Variants in COA1 observed in about 807,000 individuals in gnomAD.
The protein encoded by COA1 is cytochrome c oxidase assembly factor 1.
A neutral mutation model predicts 16.0 loss-of-function variants in COA1; 13 were observed. The ratio of observed to expected loss-of-function variants is 0.81; its 90% CI spans 0.53 to 1.29. The LOEUF (loss-of-function observed/expected upper bound fraction) is 1.29, where lower values mean the gene tolerates loss of function less well. COA1 is among the 50% of genes most tolerant of loss of function. The pLI, the probability that COA1 is intolerant of heterozygous loss-of-function variation, is 0.00. For synonymous variants in COA1, 65 were observed against 65.7 expected (o/e 0.99, Z 0.05); for missense variants, 179 against 177.0 (o/e 1.01, Z -0.06).
At chr7:43,672,400 CAG>C (rs1399084952) in intron 1 of COA1, among the ~76,000 whole-genome samples, 9 of 152,280 alleles carry the variant, frequency 5.9e-5, no homozygotes, top group African/African-American at 2.2e-4. Flanking sequence ...ATCACATAAA[CAG>C]AAATAAAAAC....
intron 1 of COA1, among the ~76,000 whole-genome samples, chr7:43,705,239 G>T (rs993225240): frequency 1.3e-5 from 2 of 152,234 alleles, no homozygotes; most frequent in Non-Finnish European, 2.9e-5. Context: ...GCCAGCAAAA[G>T]AACTCTGGTG....
At chr7:43,709,220 G>C (rs2095119753) in intron 1 of COA1, among the ~76,000 whole-genome samples, 1 of 151,848 alleles carries the variant, frequency 6.6e-6, no homozygotes, top group African/African-American at 2.4e-5. Flanking sequence ...TAGAGACGGG[G>C]TTTCACCATG....
At chr7:43,611,374 T>C (rs2082861797) in intron 6 of COA1, among the ~76,000 whole-genome samples, 1 of 152,206 alleles carries the variant, frequency 6.6e-6, no homozygotes, top group Non-Finnish European at 1.5e-5. Context: ...ATTAATTTTT[T>C]AATACCATGG....
chr7:43,625,023 G>C (rs1448688692), intron 6 of COA1: 2 of 533,106 alleles, frequency 3.8e-6, no homozygotes, highest in South Asian at 3.1e-5. Context: ...TTGCCAACCA[G>C]GAGATTTAAC....
At position 43,627,229 on chromosome 7, in the gene COA1, TTTG is replaced by T. The variant is rs141793546; in HGVS notation, c.*133+12217_*133+12219del. 4.6e-3 allele frequency among the ~76,000 whole-genome samples: 698 copies of T among 152,340 alleles called. 6 individuals are homozygous for T. The highest frequency in any genetic ancestry group is 0.015 in the African/African-American group (643 of 41,576). ...AAATGATATTTGATTGATCTTGTGT[TTTG>T]TTGTTTTCAAATGAAAACTAGGAGG... is the stretch of plus-strand genomic sequence containing the variant. On this transcript the variant is annotated intron_variant and NMD_transcript_variant, in intron 6 of 6. Coordinates refer to the COA1 transcript ENST00000415076.
chr7:43,657,128 G>A (rs1393144446), intron 1 of COA1: 1 of 152,210 alleles, frequency 6.6e-6, no homozygotes, highest in Non-Finnish European at 1.5e-5. Flanking sequence ...TACAACATGT[G>A]TGTATGTGTT....
At chr7:43,685,478 G>A (rs1356255249) in intron 1 of COA1, among the ~76,000 whole-genome samples, 1 of 152,222 alleles carries the variant, frequency 6.6e-6, no homozygotes, top group African/African-American at 2.4e-5. Context: ...CTAGGAGCAA[G>A]TTTCCAGAAT....
At chr7:43,706,019 C>G (rs1447700171) in intron 1 of COA1, among the ~76,000 whole-genome samples, 3 of 152,144 alleles carry the variant, frequency 2.0e-5, no homozygotes, top group African/African-American at 7.2e-5. Context: ...AGTGTGCTGG[C>G]CTACTTGATG....
chr7:43,727,036 T>C (rs2095631046), intron 1 of COA1, among the ~76,000 whole-genome samples: 1 of 152,212 alleles, frequency 6.6e-6, no homozygotes, highest in African/African-American at 2.4e-5. Flanking sequence ...GATGAACGTT[T>C]CAGGTGGTGG....
intron 1 of COA1, among the ~76,000 whole-genome samples, chr7:43,687,182 T>C (rs1321173164): frequency 6.6e-6 from 1 of 152,226 alleles, no homozygotes; most frequent in Admixed American, 6.5e-5. Context: ...GCCCTGAAGT[T>C]TCCTATTCCC....
intron 1 of COA1, among the ~76,000 whole-genome samples, chr7:43,702,293 G>A (rs2094777114): frequency 6.6e-6 from 1 of 152,132 alleles, no homozygotes; most frequent in Non-Finnish European, 1.5e-5. Context: ...CAGGGGTCCA[G>A]TTTCATTGCT....
chr7:43,611,004 C>G (rs2082824813), intron 6 of COA1, among the ~76,000 whole-genome samples: 1 of 152,120 alleles, frequency 6.6e-6, no homozygotes, highest in African/African-American at 2.4e-5. Flanking sequence ...GTAATCCCAG[C>G]TACTTGGGAG....
chr7:43,676,507 C>T (rs371230311), intron 1 of COA1, among the ~76,000 whole-genome samples: 2 of 152,164 alleles, frequency 1.3e-5, no homozygotes, highest in Admixed American at 6.5e-5. Flanking sequence ...AAGTTCACCA[C>T]CACATCTTCA....
chr7:43,640,595 A>T lies in COA1; in HGVS notation c.319T>A (p.Ser107Thr). The T allele has an allele frequency of 6.2e-7, 1 of 1,609,094 alleles. No individual in the cohort carries two copies. The highest frequency in any genetic ancestry group is 8.5e-7 in the Non-Finnish European group (1 of 1,177,914). ...KSEGLLYVHS[S>T]RGGPFQRWHL... The stretch of plus-strand genomic sequence containing the variant: ...TACCTCTGAAAGGGGCCACCTCTGG[A>T]TGAGTGGACGTAGAGAAGGCCCTCT... Residue 107 changes from serine to threonine, a missense_variant, in exon 5 of 6, where the codon TCC becomes ACC. Transcript: ENST00000223336.
chr7:43,691,062 A>AC (rs2094258042), intron 1 of COA1, among the ~76,000 whole-genome samples: 1 of 131,286 alleles, frequency 7.6e-6, no homozygotes, highest in Non-Finnish European at 1.6e-5. Context: ...TACAAAAAAA[A>AC]AAAAAAAAAA....
At chr7:43,695,990 AAG>A (rs1486264376) in intron 1 of COA1, among the ~76,000 whole-genome samples, 1 of 152,208 alleles carries the variant, frequency 6.6e-6, no homozygotes, top group Admixed American at 6.5e-5. Context: ...TTACAAAAGA[AAG>A]AGGTTTAATC....
intron 1 of COA1, among the ~76,000 whole-genome samples, chr7:43,683,266 A>G (rs2093853627): frequency 6.6e-6 from 1 of 152,174 alleles, no homozygotes; most frequent in Non-Finnish European, 1.5e-5. Flanking sequence ...TCCTTTTTAC[A>G]TATCATAATG....
At chr7:43,612,909 A>G (rs1195740864) in intron 6 of COA1, among the ~76,000 whole-genome samples, 1 of 152,138 alleles carries the variant, frequency 6.6e-6, no homozygotes, top group Non-Finnish European at 1.5e-5. Flanking sequence ...TTAAGAGAAA[A>G]CCCATTCGTT....
chr7:43,656,709 C>CA (rs755489000), intron 1 of COA1, among the ~76,000 whole-genome samples: 1 of 151,956 alleles, frequency 6.6e-6, no homozygotes, highest in African/African-American at 2.4e-5. Context: ...AACAAAAAAA[C>CA]AAAAAGTATT....
Sources: allele counts gnomAD v4.1 joint callset (sites outside exome capture counted in the v4.1 genomes callset), GRCh38; gene constraint gnomAD v4.1.1; transcripts MANE v1.5; gene names NCBI Gene and HGNC (gene_info 2026-07-23, HGNC 2026-07-21).